The following MPDZ variants were observed in gnomAD, a reference collection of about 807,000 sequenced individuals.
MPDZ encodes multiple PDZ domain protein.
MPDZ carries 234 observed loss-of-function variants against 239.1 expected under a neutral mutation model. That is an observed-to-expected ratio of 0.98 (90% CI 0.88 to 1.09). The LOEUF is 1.09. Ranked by LOEUF, MPDZ falls within the 50% of genes least tolerant of loss-of-function variation. The probability of loss-of-function intolerance (pLI) is 0.00; values close to 1 mark genes in which losing one functional copy is unlikely to be tolerated. For synonymous variants in MPDZ, 1,048 were observed against 881.3 expected, an observed-to-expected ratio of 1.19 and a Z score of -3.35; for missense variants, 3,175 against 2,510.0, an observed-to-expected ratio of 1.26 and a Z score of -5.66.
chr9:13,183,059 A>G (rs1320908275), intron 19 of MPDZ, among the ~76,000 whole-genome samples: 1 of 152,164 alleles, frequency 6.6e-6, no homozygotes, highest in Non-Finnish European at 1.5e-5. Flanking sequence ...AGTCAGTTTT[A>G]AAACCATTAA....
In MPDZ at chr9:13,217,309, A is replaced by G. The variant is rs1187096746; in HGVS notation, c.1087-15T>C. ...GAAGCATCAACCTAAAATAAAATCA[A>G]TAAATATACAGTGAAATAATACGTA... On this transcript the variant is annotated splice_polypyrimidine_tract_variant and intron_variant, in intron 8 of 46. Coordinates refer to ENST00000319217, the MANE Select transcript of MPDZ (RefSeq NM_001378778.1). 1 of 1,456,196 alleles carries G rather than the reference A, an allele frequency of 6.9e-7. No individual in the cohort carries two copies. Among genetic ancestry groups the G allele is most frequent in the Non-Finnish European group, 9.4e-7 (1 of 1,062,208 alleles). The allele number at this position is 1,456,196 out of a possible 1,614,324, so 90.2% of individuals were successfully genotyped here.
intron 1 of MPDZ, among the ~76,000 whole-genome samples, chr9:13,274,908 G>C (rs1284181541): frequency 6.6e-6 from 1 of 151,762 alleles, no homozygotes; most frequent in African/African-American, 2.4e-5. Context: ...TTAAGAAAAC[G>C]AATGCTTTTA....
chr9:13,217,733 A>ACTGT lies in MPDZ; in HGVS notation c.1087-440_1087-439insACAG, dbSNP rs200315203. On this transcript the variant is annotated intron_variant, in intron 8 of 46. Coordinates refer to ENST00000319217, the MANE Select transcript of MPDZ (RefSeq NM_001378778.1). ...TAGAAAGAAAATATCACTTTGGTCAACTATCAGGAAAAGAATAACAACAAC... is the reference window on the plus strand; with the variant it reads ...TAGAAAGAAAATATCACTTTGGTCAACTGTCTATCAGGAAAAGAATAACAACAAC... Among the ~76,000 whole-genome samples the ACTGT allele has an allele frequency of 9.1e-3, 1,379 of 151,990 alleles. 23 individuals are homozygous for ACTGT. The highest frequency in any genetic ancestry group is 0.031 in the African/African-American group (1,276 of 41,532).
At position 13,170,125 on chromosome 9, in the gene MPDZ, G is replaced by A. The variant is rs74624851; in HGVS notation, c.3056-1561C>T. The stretch of plus-strand genomic sequence containing the variant: ...AAAATTATATAATTAAACAAGCTAT[G>A]GAGAGATATAAAGCTACCAGGGTAT... On this transcript the variant is annotated intron_variant, in intron 21 of 46. Transcript: ENST00000319217. 4.2e-3 allele frequency among the ~76,000 whole-genome samples: 634 copies of A among 152,168 alleles called. 6 individuals carry two copies. Among genetic ancestry groups the A allele is most frequent in the African/African-American group, 0.015 (608 of 41,516 alleles).
chr9:13,276,207 C>T (rs1286395157), intron 1 of MPDZ, among the ~76,000 whole-genome samples: 1 of 152,204 alleles, frequency 6.6e-6, no homozygotes, highest in East Asian at 1.9e-4. Context: ...CTACCTACTA[C>T]ATGAATACCT....
intron 6 of MPDZ, among the ~76,000 whole-genome samples, chr9:13,222,021 A>C (rs565906475): frequency 1.3e-5 from 2 of 152,216 alleles, no homozygotes; most frequent in South Asian, 4.1e-4. Flanking sequence ...CTGTCAAAGG[A>C]CAAAACTACA....
At chr9:13,191,250 A>G (rs929166039) in intron 15 of MPDZ, among the ~76,000 whole-genome samples, 3 of 152,150 alleles carry the variant, frequency 2.0e-5, no homozygotes, top group African/African-American at 7.2e-5. Flanking sequence ...CTAATCACCC[A>G]TATGAATACT....
At chr9:13,233,385 C>G (rs111896191) in intron 3 of MPDZ, among the ~76,000 whole-genome samples, 5 of 152,136 alleles carry the variant, frequency 3.3e-5, no homozygotes, top group African/African-American at 1.2e-4. Context: ...CTCACAGACA[C>G]AAAGACAAGA....
intron 26 of MPDZ, among the ~76,000 whole-genome samples, chr9:13,146,017 C>G (rs1948388387): frequency 6.6e-6 from 1 of 151,962 alleles, no homozygotes; most frequent in Non-Finnish European, 1.5e-5. Flanking sequence ...CTATGTTTAA[C>G]ACACAAATGG....
At chr9:13,225,712 C>G (rs967492794) in intron 3 of MPDZ, among the ~76,000 whole-genome samples, 3 of 152,028 alleles carry the variant, frequency 2.0e-5, no homozygotes, top group Non-Finnish European at 4.4e-5. Context: ...ACCAAATAGC[C>G]TAGCTGTGTG....
In MPDZ at chr9:13,165,532, TC is replaced by T. The variant is rs200579795; in HGVS notation, c.3255-2738del. 1,137 of 1,138,050 alleles carry T rather than the reference TC, an allele frequency of 1.0e-3. 6 individuals carry two copies. The African/African-American group carries it at 0.015, about 15-fold the overall frequency. 70.5% of individuals were successfully genotyped at this position (1,138,050 alleles called of 1,614,324 possible). A position where few individuals can be genotyped will look rare whatever the true frequency, so the allele number is the denominator to read the frequency against. ...AGTGGGTGCTCCTGGTTGTTTTTTT[TC>T]CCCCTTTCCACCTCCCTCCCATCTA... On this transcript the variant is annotated intron_variant, in intron 22 of 46. Transcript: ENST00000319217.
chr9:13,205,847 C>A, intron 11 of MPDZ, 69 bp downstream of exon 11: 1 of 1,362,986 alleles, frequency 7.3e-7, no homozygotes, highest in Non-Finnish European at 9.8e-7. Flanking sequence ...TAGTAAGTTA[C>A]TTTGGAATTT....
At chr9:13,169,445 A>G (rs897084239) in intron 21 of MPDZ, among the ~76,000 whole-genome samples, 2 of 152,106 alleles carry the variant, frequency 1.3e-5, no homozygotes, top group Admixed American at 6.6e-5. Flanking sequence ...CTTATCCCCT[A>G]TATTTAATCC....
At chr9:13,243,907 C>A (rs940607682) in intron 3 of MPDZ, among the ~76,000 whole-genome samples, 2 of 152,152 alleles carry the variant, frequency 1.3e-5, no homozygotes, top group African/African-American at 4.8e-5. Context: ...AGGTCACTGA[C>A]GAGGAGAGAC....
In MPDZ at chr9:13,223,576, G is replaced by C. The variant is rs1340457421; in HGVS notation, c.528C>G (p.Ala176=). The C allele has an allele frequency of 6.2e-7, 1 of 1,610,116 alleles. No homozygotes were observed. Among genetic ancestry groups the C allele is most frequent in the Admixed American group, 1.7e-5 (1 of 59,678 alleles). Residue 176 remains alanine (A), a synonymous_variant, in exon 5 of 47, where the codon GCC becomes GCG. Coordinates refer to ENST00000319217, the MANE Select transcript of MPDZ (RefSeq NM_001378778.1). Reference sequence around the variant, plus strand: ...AGACGCCGCGACCATCTCACCTATGGGCCACACTGCCCTCTTGTATCTCTT... The same window carrying C: ...AGACGCCGCGACCATCTCACCTATGCGCCACACTGCCCTCTTGTATCTCTT... ...FVQEIQEGSV[A]HRDGRLKETD... is the part of the protein sequence containing the mutation.
At chr9:13,256,097 C>T (rs1969360159) in intron 1 of MPDZ, among the ~76,000 whole-genome samples, 2 of 152,216 alleles carry the variant, frequency 1.3e-5, no homozygotes, top group African/African-American at 4.8e-5. Context: ...TCACCTTGCA[C>T]TTTTATGTCA....
chr9:13,230,293 C>T (rs1042510516), intron 3 of MPDZ, among the ~76,000 whole-genome samples: 3 of 152,078 alleles, frequency 2.0e-5, no homozygotes, highest in Non-Finnish European at 1.5e-5. Context: ...CTAGCAATTG[C>T]ACTCCTGGAT....
rs771861847 is a variant in MPDZ at position 13,143,542 on chromosome 9, A to C, written c.3764T>G (p.Leu1255Arg). The change falls in exon 27 of 47, where the codon CTG becomes CGG. Residue 1255 changes from leucine to arginine, a missense_variant. Coordinates refer to ENST00000319217, the MANE Select transcript of MPDZ (RefSeq NM_001378778.1). ...GTTGTACTTAGGGTAAAGGTTGTGC[A>C]GCAAGGAAGGCAAAGGGGATTTCTA... ...RPRKSPLPSL[L>R]HNLYPKYNFS... The C allele has an allele frequency of 9.3e-6, 15 of 1,613,090 alleles. No individual in the cohort carries two copies. The highest frequency in any genetic ancestry group is 8.9e-5 in the East Asian group (4 of 44,860).
At chr9:13,143,381 T>C (rs1467129948) in intron 27 of MPDZ, 85 bp downstream of exon 27, 3 of 1,032,364 alleles carry the variant, frequency 2.9e-6, no homozygotes, top group Non-Finnish European at 4.4e-6. Flanking sequence ...TAGCAAATAG[T>C]GAACTGGGAC....
Sources: gnomAD v4.1 joint callset for allele counts (sites outside exome capture counted in the v4.1 genomes callset) on GRCh38, gnomAD v4.1.1 for gene constraint, MANE v1.5 for transcripts, NCBI Gene and HGNC (gene_info 2026-07-23, HGNC 2026-07-21) for gene names.